Variants in CNTN5 observed in about 807,000 individuals in gnomAD.
CNTN5 encodes contactin-5.
CNTN5 carries 77 observed loss-of-function variants against 129.1 expected under a neutral mutation model. The observed-to-expected ratio is 0.60, with a 90% confidence interval of 0.50 to 0.72. The LOEUF (loss-of-function observed/expected upper bound fraction) is 0.72, where lower values mean the gene tolerates loss of function less well. CNTN5 is among the 30% of genes least tolerant of loss of function. CNTN5 has a pLI of 0.00. For missense variants in CNTN5, 1,478 were observed against 1,328.8 expected, an observed-to-expected ratio of 1.11 and a Z score of -1.75; for synonymous variants, 509 against 465.6, an observed-to-expected ratio of 1.09 and a Z score of -1.20.
At chr11:100,290,359 C>G (rs1461159085) in intron 18 of CNTN5, among the ~76,000 whole-genome samples, 2 of 151,708 alleles carry the variant, frequency 1.3e-5, no homozygotes, top group Non-Finnish European at 1.5e-5. Flanking sequence ...TCAAACTATA[C>G]TACAAGGCTA....
chr11:99,686,723 A>G (rs1953810285), intron 3 of CNTN5, among the ~76,000 whole-genome samples: 1 of 152,094 alleles, frequency 6.6e-6, no homozygotes, highest in Non-Finnish European at 1.5e-5. Flanking sequence ...AAGCAAAGAG[A>G]AAGTGTGGGC....
chr11:99,500,094 G>C (rs1946372521), intron 2 of CNTN5, among the ~76,000 whole-genome samples: 1 of 152,204 alleles, frequency 6.6e-6, no homozygotes, highest in South Asian at 2.1e-4. Flanking sequence ...TGAAAATAGT[G>C]TAATGACTAT....
At chr11:99,647,602 T>C (rs1591418526) in intron 3 of CNTN5, among the ~76,000 whole-genome samples, 1 of 152,070 alleles carries the variant, frequency 6.6e-6, no homozygotes, top group Non-Finnish European at 1.5e-5. Flanking sequence ...AGAAATTGCA[T>C]TGAATTTGTA....
intron 8 of CNTN5, among the ~76,000 whole-genome samples, chr11:99,991,875 G>A (rs560145312): frequency 6.6e-6 from 1 of 152,092 alleles, no homozygotes; most frequent in Non-Finnish European, 1.5e-5. Context: ...GGACAAAGGG[G>A]TAATCAAACT....
At position 99,978,482 on chromosome 11, in the gene CNTN5, A is replaced by G. The variant is rs75113175; in HGVS notation, c.877+21473A>G. Among the ~76,000 whole-genome samples, 399 of 152,246 alleles carry G rather than the reference A, an allele frequency of 2.6e-3. 1 individual carries two copies. The highest frequency in any genetic ancestry group is 8.6e-3 in the African/African-American group (359 of 41,542). On this transcript the variant is annotated intron_variant, in intron 8 of 24. Coordinates refer to ENST00000524871, the MANE Select transcript of CNTN5 (RefSeq NM_014361.4). ...AGCAACGTCTGGTCCTGCAAGTGCT[A>G]TTTGTAGTAAATGCCCTGTACAGGT... is the stretch of plus-strand genomic sequence containing the variant.
intron 3 of CNTN5, among the ~76,000 whole-genome samples, chr11:99,767,022 G>GC (rs1487570849): frequency 6.6e-6 from 1 of 151,786 alleles, no homozygotes; most frequent in Non-Finnish European, 1.5e-5. Flanking sequence ...ATCATTCCTC[G>GC]CCTTCTCTTG....
intron 1 of CNTN5, among the ~76,000 whole-genome samples, chr11:99,242,438 G>A (rs1861607441): frequency 6.6e-6 from 1 of 152,032 alleles, no homozygotes; most frequent in African/African-American, 2.4e-5. Flanking sequence ...TTTATTGTCT[G>A]TCTCCTGCCA....
intron 2 of CNTN5, among the ~76,000 whole-genome samples, chr11:99,518,387 T>G (rs1408435456): frequency 1.3e-5 from 2 of 152,020 alleles, no homozygotes; most frequent in African/African-American, 4.8e-5. Context: ...AAAACATTTA[T>G]CAACAAAAAT....
At chr11:99,923,750 T>C (rs1591428180) in intron 7 of CNTN5, among the ~76,000 whole-genome samples, 1 of 109,842 alleles carries the variant, frequency 9.1e-6, no homozygotes, top group South Asian at 2.8e-4. Context: ...ATCTAATCTA[T>C]CTGTCTGTCT....
chr11:99,321,105 T>C (rs1258785466), intron 1 of CNTN5, among the ~76,000 whole-genome samples: 8 of 152,088 alleles, frequency 5.3e-5, no homozygotes, highest in Non-Finnish European at 1.0e-4. Context: ...GCCTTTGGAC[T>C]GGAAGTACGT....
intron 3 of CNTN5, among the ~76,000 whole-genome samples, chr11:99,688,925 A>C (rs1276370625): frequency 6.6e-6 from 1 of 152,136 alleles, no homozygotes; most frequent in Non-Finnish European, 1.5e-5. Flanking sequence ...TGTCCCCGCA[A>C]ACAACATGAT....
intron 16 of CNTN5, among the ~76,000 whole-genome samples, chr11:100,233,787 T>C (rs545365410): frequency 4.6e-5 from 7 of 152,128 alleles, no homozygotes; most frequent in African/African-American, 1.7e-4. Context: ...CAAAAAGTCT[T>C]TGCCCATGCC....
chr11:99,675,785 C>A lies in CNTN5; in HGVS notation c.55+119516C>A, dbSNP rs571695273. Among the ~76,000 whole-genome samples, 6 of 152,196 alleles carry A rather than the reference C, an allele frequency of 3.9e-5. No homozygotes were observed. The South Asian group carries it at 1.0e-3, about 26-fold the overall frequency. On this transcript the variant is annotated intron_variant, in intron 3 of 24. Coordinates refer to ENST00000524871, the MANE Select transcript of CNTN5 (RefSeq NM_014361.4). Reference sequence around the variant, plus strand: ...GAGGAAAACGAGAGAAGGCACATAGCCCCTGCAGTTGTTATATGGGTACTA... The same window carrying A: ...GAGGAAAACGAGAGAAGGCACATAGACCCTGCAGTTGTTATATGGGTACTA...
At chr11:99,847,871 G>A (rs188686933) in intron 6 of CNTN5, among the ~76,000 whole-genome samples, 1 of 152,156 alleles carries the variant, frequency 6.6e-6, no homozygotes, top group African/African-American at 2.4e-5. Context: ...AAGAAAAGGG[G>A]TTCCTGAAAT....
intron 3 of CNTN5, among the ~76,000 whole-genome samples, chr11:99,712,312 T>A (rs2134965214): frequency 6.6e-6 from 1 of 152,276 alleles, no homozygotes; most frequent in Middle Eastern, 3.4e-3. Context: ...CTTTGCCCAC[T>A]TTTTGATGGG....
rs140580746 is a variant in CNTN5, at chr11:100,267,244, A to G, written c.2165-3848A>G. 9.7e-4 allele frequency among the ~76,000 whole-genome samples: 79 copies of G among 81,616 alleles called. 1 individual carries two copies. The East Asian group carries it at 0.039, about 40-fold the overall frequency. The allele number at this position is 81,616 out of a possible 152,430, so 53.5% of individuals were successfully genotyped here. A position where few individuals can be genotyped will look rare whatever the true frequency, so the allele number is the denominator to read the frequency against. On this transcript the variant is annotated intron_variant, in intron 17 of 24. Coordinates refer to ENST00000524871, the MANE Select transcript of CNTN5 (RefSeq NM_014361.4). ...ATCAAGTGGCCTTCTTTGTTTTCACATGAATCAACCACACACACACACACA... is the reference window on the plus strand; with the variant it reads ...ATCAAGTGGCCTTCTTTGTTTTCACGTGAATCAACCACACACACACACACA...
At chr11:99,734,305 TG>T (rs778092565) in intron 3 of CNTN5, among the ~76,000 whole-genome samples, 41 of 152,200 alleles carry the variant, frequency 2.7e-4, no homozygotes, top group Admixed American at 5.9e-4. Flanking sequence ...GTCACCCTGT[TG>T]GGCTGTCAAA....
chr11:99,965,626 T>A (rs1350651248), intron 8 of CNTN5, among the ~76,000 whole-genome samples: 2 of 152,308 alleles, frequency 1.3e-5, no homozygotes, highest in East Asian at 3.9e-4. Flanking sequence ...CTGAGAAGAA[T>A]GTATATTTTG....
chr11:99,515,694 C>G lies in CNTN5; in HGVS notation c.-70-40451C>G, dbSNP rs1261310072. Among the ~76,000 whole-genome samples the G allele has an allele frequency of 2.0e-5, 3 of 151,928 alleles. No individual in the cohort carries two copies. The East Asian group carries it at 5.8e-4, about 29-fold the overall frequency. ...TTTATTAGAAATGTGATTTGTACATCAAGATCAGCATTAAACCATAAATGC... is the reference window on the plus strand; with the variant it reads ...TTTATTAGAAATGTGATTTGTACATGAAGATCAGCATTAAACCATAAATGC... On this transcript the variant is annotated intron_variant, in intron 2 of 24. Transcript: ENST00000524871.
Sources: gnomAD v4.1 joint callset for allele counts (sites outside exome capture counted in the v4.1 genomes callset) on GRCh38, gnomAD v4.1.1 for gene constraint, MANE v1.5 for transcripts, NCBI Gene and HGNC (gene_info 2026-07-23, HGNC 2026-07-21) for gene names.